Variants in FEM1A observed in about 807,000 individuals in gnomAD.
FEM1A encodes protein fem-1 homolog A.
Under a neutral mutation model 0.7 loss-of-function variants are expected in FEM1A, and 1 was observed. The ratio of observed to expected loss-of-function variants is 1.35; its 90% confidence interval spans 0.48 to 6.40. The LOEUF is 6.40. Ranked by LOEUF, FEM1A falls within the 30% of genes most tolerant of loss-of-function variation. The pLI, the probability that FEM1A is intolerant of heterozygous loss-of-function variation, is 0.14. For missense variants in FEM1A, 721 were observed against 918.7 expected, an observed-to-expected ratio of 0.78 and a Z score of 2.78; for synonymous variants, 391 against 420.6, an observed-to-expected ratio of 0.93 and a Z score of 0.86.
chr19:4,793,248 T>C lies in FEM1A; in HGVS notation c.1394T>C (p.Met465Thr), dbSNP rs747295739. The C allele has an allele frequency of 1.2e-6, 2 of 1,613,348 alleles. No individual in the cohort carries two copies. Among genetic ancestry groups the C allele is most frequent in the South Asian group, 1.1e-5 (1 of 91,068 alleles). Residue 465 changes from methionine (M) to threonine (T), a missense_variant, in exon 1 of 1, where the codon ATG becomes ACG. Met to Thr is a moderately conservative substitution (Grantham distance 81). Around this residue, in one of 4 missense-constraint regions of FEM1A, gnomAD observed 379 missense variants for 454.8 expected, o/e 0.83. Transcript: ENST00000269856. This position sits in a 1 kb window ranked among gnomAD's most constrained non-coding sequence, Gnocchi z 5.1. ...LGTQIGFADL[M>T]GVLTKGVREV... ...ACCCAGATCGGCTTTGCAGACCTCA[T>C]GGGGGTTCTCACCAAAGGGGTCCGG...
chr19:4,799,571 C>A lies in FEM1A; in HGVS notation c.*5707C>A, dbSNP rs1807542271. 1.3e-5 allele frequency: 2 copies of A among 152,194 alleles called. No individual in the cohort carries two copies. The highest frequency in any genetic ancestry group is 4.8e-5 in the African/African-American group (2 of 41,398). 9.4% of individuals were successfully genotyped at this position (152,194 alleles called of 1,614,324 possible). ...AATTGGCTTGGCCTGAGGAGGGCCC[C>A]CAGAGGGTCTGTAATCCATGTGTAA... On this transcript the variant is annotated 3_prime_UTR_variant, in exon 1 of 1. Transcript: ENST00000269856.
rs1401551756 is a variant in FEM1A at position 4,798,957 on chromosome 19, T to C, written c.*5093T>C. 1 of 152,042 alleles carries C rather than the reference T, an allele frequency of 6.6e-6. No homozygotes were observed. The highest frequency in any genetic ancestry group is 2.4e-5 in the African/African-American group (1 of 41,368). 9.4% of individuals were successfully genotyped at this position (152,042 alleles called of 1,614,324 possible). On this transcript the variant is annotated 3_prime_UTR_variant, in exon 1 of 1. Coordinates refer to ENST00000269856, the MANE Select transcript of FEM1A (RefSeq NM_018708.3). ...ATTGTAACTTTAGCCTCATACCTTC[T>C]AATGAAGGCCATCTTAAAGCTCTAC...
rs1314507735 is a variant in FEM1A at position 4,800,741 on chromosome 19, G to C, written c.*6877G>C. 1 of 152,344 alleles carries C rather than the reference G, an allele frequency of 6.6e-6. No individual in the cohort carries two copies. Among genetic ancestry groups the C allele is most frequent in the Non-Finnish European group, 1.5e-5 (1 of 68,156 alleles). The allele number at this position is 152,344 out of a possible 1,614,324, so 9.4% of individuals were successfully genotyped here. On this transcript the variant is annotated 3_prime_UTR_variant, in exon 1 of 1. Transcript: ENST00000269856. ...GCCGCCCCCATGGAATTGCAGGACT[G>C]TTATCTGAGCAACGTCGACGGGGGA...
In FEM1A at chr19:4,791,937, G is replaced by T; in HGVS notation, c.83G>T (p.Arg28Leu). 6.5e-7 allele frequency: 1 copy of T among 1,529,352 alleles called. No homozygotes were observed. The highest frequency in any genetic ancestry group is 8.7e-7 in the Non-Finnish European group (1 of 1,145,218). 94.7% of individuals were successfully genotyped at this position (1,529,352 alleles called of 1,614,324 possible). ...CAGAAGCTGCTCAGCGGCCGGAGCCGGGAGGAACTGGACGAGCTGACGGGC... is the reference window on the plus strand; with the variant it reads ...CAGAAGCTGCTCAGCGGCCGGAGCCTGGAGGAACTGGACGAGCTGACGGGC... ...LLQKLLSGRS[R>L]EELDELTGEV... is the part of the protein sequence containing the mutation. The change falls in exon 1 of 1, where the codon CGG becomes CTG. Residue 28 changes from arginine (R) to leucine (L), a missense_variant. By Grantham distance (102) the Arg-to-Leu change is moderately radical (BLOSUM62 -2). Coordinates refer to ENST00000269856, the MANE Select transcript of FEM1A (RefSeq NM_018708.3).
Position 4,797,788 on chromosome 19 carries a change from AAAATT to A in FEM1A, c.*3926_*3930del, listed in dbSNP as rs924965661. On this transcript the variant is annotated 3_prime_UTR_variant, in exon 1 of 1. Transcript: ENST00000269856. Reference sequence around the variant, plus strand: ...GTCTCTACAAAAAAAAAAAAAAAAAAAAATTAGCCATGTGTAGTGATATGTAGTCC... The same window carrying A: ...GTCTCTACAAAAAAAAAAAAAAAAAAAGCCATGTGTAGTGATATGTAGTCC... The A allele has an allele frequency of 3.8e-5, 5 of 133,284 alleles. No individual in the cohort carries two copies. Among genetic ancestry groups the A allele is most frequent in the Admixed American group, 7.2e-5 (1 of 13,850 alleles). 8.3% of individuals were successfully genotyped at this position (133,284 alleles called of 1,614,324 possible). A position where few individuals can be genotyped will look rare whatever the true frequency, so the allele number is the denominator to read the frequency against.
chr19:4,792,115 G>A lies in FEM1A; in HGVS notation c.261G>A (p.Leu87=), dbSNP rs1207042160. 65 of 1,522,754 alleles carry A rather than the reference G, an allele frequency of 4.3e-5. No homozygotes were observed. Among genetic ancestry groups the A allele is most frequent in the Non-Finnish European group, 5.5e-5 (63 of 1,141,320 alleles). The allele number at this position is 1,522,754 out of a possible 1,614,324, so 94.3% of individuals were successfully genotyped here. The stretch of plus-strand genomic sequence containing the variant: ...AGACCATCGAGGGCGCGCCGCCGCT[G>A]TGGGCCGCCTCCGCAGCCGGCCACC... ...DGETIEGAPP[L]WAASAAGHLD... is the part of the protein sequence containing the mutation. The change falls in exon 1 of 1, where the codon CTG becomes CTA. Residue 87 remains leucine (L), a synonymous_variant. Transcript: ENST00000269856. This position sits in a 1 kb window ranked among gnomAD's most constrained non-coding sequence, Gnocchi z 6.7.
chr19:4,793,644 T>C lies in FEM1A; in HGVS notation c.1790T>C (p.Met597Thr). Residue 597 changes from methionine to threonine, a missense_variant, in exon 1 of 1, where the codon ATG (methionine) becomes ACG (threonine). Physicochemically the swap from Met to Thr is moderately conservative, Grantham distance 81 (BLOSUM62 -1). Transcript: ENST00000269856. The surrounding 1 kb of genome is among the most constrained non-coding windows in gnomAD (Gnocchi z 5.1). ...IAAQNNCPAI[M>T]NALIEAGAHM... ...GCCCAGAACAACTGCCCGGCCATCATGAATGCCCTGATCGAAGCAGGGGCC... is the reference window on the plus strand; with the variant it reads ...GCCCAGAACAACTGCCCGGCCATCACGAATGCCCTGATCGAAGCAGGGGCC... 6.2e-7 allele frequency: 1 copy of C among 1,612,912 alleles called. No individual in the cohort carries two copies. Among genetic ancestry groups the C allele is most frequent in the East Asian group, 2.2e-5 (1 of 44,888 alleles).
At position 4,797,709 on chromosome 19, in the gene FEM1A, GGAT is replaced by G. The variant is rs1568361046; in HGVS notation, c.*3846_*3848del. On this transcript the variant is annotated 3_prime_UTR_variant, in exon 1 of 1. Transcript: ENST00000269856. ...AGCACCTTGGGAGGCTGAGGCTGGA[GGAT>G]CGCTTGAGCCTGGGAGTTTGAGACC... 1 of 149,390 alleles carries G rather than the reference GGAT, an allele frequency of 6.7e-6. No individual in the cohort carries two copies. Among genetic ancestry groups the G allele is most frequent in the Non-Finnish European group, 1.5e-5 (1 of 67,932 alleles). The allele number at this position is 149,390 out of a possible 1,614,324, so 9.3% of individuals were successfully genotyped here. A position where few individuals can be genotyped will look rare whatever the true frequency, so the allele number is the denominator to read the frequency against.
rs1568360695 is a variant in FEM1A at position 4,796,096 on chromosome 19, CAAAAA to C, written c.*2233_*2237del. Reference sequence around the variant, plus strand: ...GCAACATAGTGAGAGCCTGTCTTTACAAAAATAAAAAATAGGCTGGGTACGGTGGC... The same window carrying C: ...GCAACATAGTGAGAGCCTGTCTTTACTAAAAAATAGGCTGGGTACGGTGGC... On this transcript the variant is annotated 3_prime_UTR_variant, in exon 1 of 1. Coordinates refer to ENST00000269856, the MANE Select transcript of FEM1A (RefSeq NM_018708.3). 6.6e-6 allele frequency: 1 copy of C among 151,172 alleles called. No homozygotes were observed. Among genetic ancestry groups the C allele is most frequent in the Admixed American group, 6.6e-5 (1 of 15,124 alleles). 9.4% of individuals were successfully genotyped at this position (151,172 alleles called of 1,614,324 possible). A position where few individuals can be genotyped will look rare whatever the true frequency, so the allele number is the denominator to read the frequency against.
At position 4,799,277 on chromosome 19, in the gene FEM1A, G is replaced by C. The variant is rs1031587283; in HGVS notation, c.*5413G>C. 1 of 152,120 alleles carries C rather than the reference G, an allele frequency of 6.6e-6. No homozygotes were observed. The highest frequency in any genetic ancestry group is 1.9e-4 in the East Asian group (1 of 5,194). 9.4% of individuals were successfully genotyped at this position (152,120 alleles called of 1,614,324 possible). The stretch of plus-strand genomic sequence containing the variant: ...AAAATACAAAAAATTAGCCAGGCAC[G>C]GTGGCAGGCACCTGTAATCCCAGCT... On this transcript the variant is annotated 3_prime_UTR_variant, in exon 1 of 1. Transcript: ENST00000269856.
Position 4,791,865 on chromosome 19 carries a change from G to T in FEM1A, c.11G>T (p.Arg4Leu). The stretch of plus-strand genomic sequence containing the variant: ...GCGGAGGCCCGAACCATGGACCTCC[G>T]CACCGCCGTGTACAACGCCGCCCGT... MDL[R>L]TAVYNAARDG... Residue 4 changes from arginine to leucine, a missense_variant, in exon 1 of 1, where the codon CGC becomes CTC. Around this residue, in one of 4 missense-constraint regions of FEM1A, gnomAD observed 195 missense variants for 316.9 expected, o/e 0.62. Coordinates refer to ENST00000269856, the MANE Select transcript of FEM1A (RefSeq NM_018708.3). The T allele has an allele frequency of 6.6e-7, 1 of 1,512,804 alleles. No homozygotes were observed. 93.7% of individuals were successfully genotyped at this position (1,512,804 alleles called of 1,614,324 possible).
rs2146152310 is a variant in FEM1A at position 4,796,788 on chromosome 19, A to G, written c.*2924A>G. 1 of 152,628 alleles carries G rather than the reference A, an allele frequency of 6.6e-6. No individual in the cohort carries two copies. The highest frequency in any genetic ancestry group is 1.9e-4 in the East Asian group (1 of 5,196). The allele number at this position is 152,628 out of a possible 1,614,324, so 9.5% of individuals were successfully genotyped here. ...GCACCGCATGCTGCTTCCATGGTGC[A>G]TTGGGTTGGAGGGCTCTTCTCCCGA... On this transcript the variant is annotated 3_prime_UTR_variant, in exon 1 of 1. Coordinates refer to ENST00000269856, the MANE Select transcript of FEM1A (RefSeq NM_018708.3).
rs1346367761 is a variant in FEM1A, at chr19:4,792,490, C to T, written c.636C>T (p.Asp212=). 1.9e-6 allele frequency: 3 copies of T among 1,597,736 alleles called. No homozygotes were observed. Among genetic ancestry groups the T allele is most frequent in the Non-Finnish European group, 1.7e-6 (2 of 1,179,678 alleles). Residue 212 remains aspartate (D), a synonymous_variant, in exon 1 of 1, where the codon GAC becomes GAT. Transcript: ENST00000269856. The surrounding 1 kb of genome is among the most constrained non-coding windows in gnomAD (Gnocchi z 6.7). ...GGTGCAAGGCCCGCATGGAACGTGA[C>T]GGCTACGGCATGACCCCGCTGCTCG... ...LLGCKARMER[D]GYGMTPLLAA...
At position 4,792,714 on chromosome 19, in the gene FEM1A, A is replaced by T. The variant is rs2093556021; in HGVS notation, c.860A>T (p.Glu287Val). Residue 287 changes from glutamate (E) to valine (V), a missense_variant, in exon 1 of 1, where the codon GAA becomes GTA. This residue lies in a region of FEM1A where 137 missense variants were observed against 121.7 expected (regional missense o/e 1.13). Transcript: ENST00000269856. The surrounding 1 kb of genome is among the most constrained non-coding windows in gnomAD (Gnocchi z 6.7). ...PEEPLNGESYESCCPTSREAA... is the reference protein window; with the variant it reads ...PEEPLNGESYVSCCPTSREAA... ...GAACCACTGAACGGGGAATCTTACG[A>T]AAGCTGCTGTCCCACCAGCCGGGAA... 2 of 1,612,086 alleles carry T rather than the reference A, an allele frequency of 1.2e-6. No homozygotes were observed. The highest frequency in any genetic ancestry group is 1.7e-6 in the Non-Finnish European group (2 of 1,179,868).
rs1233348636 is a variant in FEM1A, at chr19:4,794,101, C to G, written c.*237C>G. 7.4e-6 allele frequency: 4 copies of G among 537,770 alleles called. No homozygotes were observed. The highest frequency in any genetic ancestry group is 1.4e-5 in the Non-Finnish European group (4 of 291,550). The allele number at this position is 537,770 out of a possible 1,614,324, so 33.3% of individuals were successfully genotyped here. ...GTCTTTCTCCGGGAGCCCGCTCACT[C>G]ATTCTGAGTTAGGAAAAGACACAAG... On this transcript the variant is annotated 3_prime_UTR_variant, in exon 1 of 1. Transcript: ENST00000269856.
At position 4,793,004 on chromosome 19, in the gene FEM1A, C is replaced by A; in HGVS notation, c.1150C>A (p.Pro384Thr). 6.2e-7 allele frequency: 1 copy of A among 1,613,154 alleles called. No individual in the cohort carries two copies. The highest frequency in any genetic ancestry group is 2.2e-5 in the East Asian group (1 of 44,880). Residue 384 changes from proline to threonine, a missense_variant, in exon 1 of 1, where the codon CCC (proline) becomes ACC (threonine). Pro to Thr is a conservative substitution (Grantham distance 38). Around this residue, in one of 4 missense-constraint regions of FEM1A, gnomAD observed 379 missense variants for 454.8 expected, o/e 0.83. Transcript: ENST00000269856. This position sits in a 1 kb window ranked among gnomAD's most constrained non-coding sequence, Gnocchi z 5.1. ...ALLIRERILG[P>T]SHPDTSYYIR... is the part of the protein sequence containing the mutation. ...GTTGATCCGGGAGCGCATCCTCGGT[C>A]CCTCGCACCCGGACACTTCCTATTA...
chr19:4,793,343 A>G lies in FEM1A; in HGVS notation c.1489A>G (p.Ile497Val), dbSNP rs781383321. 3 of 1,612,406 alleles carry G rather than the reference A, an allele frequency of 1.9e-6. No individual in the cohort carries two copies. Among genetic ancestry groups the G allele is most frequent in the African/African-American group, 2.7e-5 (2 of 74,890 alleles). ...AGCCCAGTTCACCAAGGCGCTGGCC[A>G]TCATCCTCCACCTGCTCTACCTGCT... ...DSAQFTKALAIILHLLYLLEK... is the reference protein window; with the variant it reads ...DSAQFTKALAVILHLLYLLEK... Residue 497 changes from isoleucine (I) to valine (V), a missense_variant, in exon 1 of 1, where the codon ATC (isoleucine) becomes GTC (valine). Around this residue, in one of 4 missense-constraint regions of FEM1A, gnomAD observed 379 missense variants for 454.8 expected, o/e 0.83. Transcript: ENST00000269856. This position sits in a 1 kb window ranked among gnomAD's most constrained non-coding sequence, Gnocchi z 5.1.
rs34120144 is a variant in FEM1A at position 4,795,702 on chromosome 19, CTT to C, written c.*1852_*1853del. 3.4e-4 allele frequency: 47 copies of C among 137,228 alleles called. No homozygotes were observed. The highest frequency in any genetic ancestry group is 3.0e-4 in the Admixed American group (4 of 13,466). The allele number at this position is 137,228 out of a possible 1,614,324, so 8.5% of individuals were successfully genotyped here. On this transcript the variant is annotated 3_prime_UTR_variant, in exon 1 of 1. Transcript: ENST00000269856. ...GGGGTTTCTGTGTTACATACTGGGG[CTT>C]TTTTTTTTTTTTTGAGACAGAGTCT...
Position 4,792,373 on chromosome 19 carries a change from C to T in FEM1A, c.519C>T (p.Gly173=). ...TCGCCCGCTACCTGCTGGAGCAGGGCGCCCAGGTGAACCGGCGCAGCGCCA... is the reference window on the plus strand; with the variant it reads ...TCGCCCGCTACCTGCTGGAGCAGGGTGCCCAGGTGAACCGGCGCAGCGCCA... ...REIARYLLEQ[G]AQVNRRSAKG... is the part of the protein sequence containing the mutation. Residue 173 remains glycine, a synonymous_variant, in exon 1 of 1, where the codon GGC becomes GGT. Transcript: ENST00000269856. This position sits in a 1 kb window ranked among gnomAD's most constrained non-coding sequence, Gnocchi z 6.7. 6.3e-7 allele frequency: 1 copy of T among 1,595,062 alleles called. No homozygotes were observed. The highest frequency in any genetic ancestry group is 8.5e-7 in the Non-Finnish European group (1 of 1,179,144).
Sources: gnomAD v4.1 joint callset for allele counts on GRCh38, gnomAD v4.1.1 for gene constraint, gnomAD v4.1.1 regional missense constraint, Gnocchi (gnomAD v3.1) non-coding constraint, MANE v1.5 for transcripts, NCBI Gene and HGNC (gene_info 2026-07-23, HGNC 2026-07-21) for gene names.